Variants in KANK1 observed in about 807,000 individuals in gnomAD.
KANK1 encodes KN motif and ankyrin repeat domains 1.
A neutral mutation model predicts 106.2 loss-of-function variants in KANK1; 109 were observed. The ratio of observed to expected loss-of-function variants is 1.03; its 90% CI spans 0.88 to 1.20. The LOEUF is 1.20. Ranked by LOEUF, KANK1 falls within the 50% of genes most tolerant of loss-of-function variation. The pLI is 0.00. For missense variants in KANK1, 2,399 were observed against 1,710.7 expected, an observed-to-expected ratio of 1.40 and a Z score of -7.10; for synonymous variants, 873 against 652.2, an observed-to-expected ratio of 1.34 and a Z score of -5.16.
chr9:710,667 G>A (rs1825778212), intron 2 of KANK1, 137 bp from the exon 3 acceptor site: 2 of 420,844 alleles, frequency 4.8e-6, no homozygotes, highest in Admixed American at 3.8e-5. Context: ...CCCAGCTGTT[G>A]TAGATCCAGG....
intron 1 of KANK1, among the ~76,000 whole-genome samples, chr9:668,580 G>A (rs529301368): frequency 3.9e-5 from 6 of 152,034 alleles, no homozygotes; most frequent in African/African-American, 1.2e-4. Flanking sequence ...TTATGGTTAA[G>A]TGACTTTCTC....
chr9:524,251 C>T (rs2059680633), intron 1 of KANK1, among the ~76,000 whole-genome samples: 1 of 151,606 alleles, frequency 6.6e-6, no homozygotes, highest in Non-Finnish European at 1.5e-5. Context: ...CCTTCCCTTC[C>T]TTTCCCTTTT....
intron 1 of KANK1, among the ~76,000 whole-genome samples, chr9:563,876 A>G (rs916224575): frequency 6.6e-6 from 1 of 152,138 alleles, no homozygotes; most frequent in South Asian, 2.1e-4. Context: ...CAGGGCACAC[A>G]TAGGTTCTAC....
chr9:735,230 A>C (rs1833450450), intron 7 of KANK1, among the ~76,000 whole-genome samples: 2 of 152,218 alleles, frequency 1.3e-5, no homozygotes, highest in African/African-American at 2.4e-5. Flanking sequence ...TTTTAAAAGA[A>C]ACCTATCTGA....
chr9:541,455 G>A (rs374697691), intron 1 of KANK1, among the ~76,000 whole-genome samples: 2 of 152,128 alleles, frequency 1.3e-5, no homozygotes, highest in Non-Finnish European at 2.9e-5. Flanking sequence ...CATGGCTCAG[G>A]GGTAGAGGAT....
At chr9:608,036 T>TATTATTA (rs907643816) in intron 1 of KANK1, among the ~76,000 whole-genome samples, 7 of 134,758 alleles carry the variant, frequency 5.2e-5, no homozygotes, top group Non-Finnish European at 7.9e-5. Flanking sequence ...TTATTATTAT[T>TATTATTA]TTTTTTTTTT....
At chr9:558,325 T>C (rs1018796937) in intron 1 of KANK1, among the ~76,000 whole-genome samples, 2 of 152,248 alleles carry the variant, frequency 1.3e-5, no homozygotes, top group African/African-American at 4.8e-5. Context: ...AGTTATGTTC[T>C]ATAAAGTCGC....
upstream of KANK1, among the ~76,000 whole-genome samples, chr9:503,660 G>A (rs2058610143): frequency 6.6e-6 from 1 of 152,196 alleles, no homozygotes; most frequent in Non-Finnish European, 1.5e-5. Flanking sequence ...AAGAAAATCA[G>A]TTGACTGCAG....
At chr9:566,338 T>C (rs1817801779) in intron 1 of KANK1, among the ~76,000 whole-genome samples, 1 of 152,238 alleles carries the variant, frequency 6.6e-6, no homozygotes, top group African/African-American at 2.4e-5. Flanking sequence ...TGCATCTTTA[T>C]GATAGAATGA....
intron 3 of KANK1, among the ~76,000 whole-genome samples, chr9:728,290 C>T (rs1053246853): frequency 2.0e-5 from 3 of 152,148 alleles, no homozygotes; most frequent in Non-Finnish European, 2.9e-5. Flanking sequence ...CCTCCACCTC[C>T]GGGTTCGAGC....
intron 1 of KANK1, among the ~76,000 whole-genome samples, chr9:663,111 A>G (rs945401587): frequency 1.8e-4 from 28 of 152,238 alleles, no homozygotes; most frequent in Non-Finnish European, 7.3e-5. Context: ...AGAGAAGGTC[A>G]TACAAGAATC....
At chr9:513,071 C>T (rs757000785) in intron 1 of KANK1, among the ~76,000 whole-genome samples, 9 of 152,164 alleles carry the variant, frequency 5.9e-5, no homozygotes, top group Non-Finnish European at 1.2e-4. Context: ...CAATGAGGCT[C>T]TTGTTAAAAC....
At chr9:519,078 C>T (rs912461892) in intron 1 of KANK1, among the ~76,000 whole-genome samples, 1 of 151,414 alleles carries the variant, frequency 6.6e-6, no homozygotes, top group Non-Finnish European at 1.5e-5. Context: ...TTAATAGAAA[C>T]GGGGTTTCTC....
chr9:740,216 TTAAGGGGAC>T (rs1298960056), intron 8 of KANK1, among the ~76,000 whole-genome samples: 1 of 152,190 alleles, frequency 6.6e-6, no homozygotes, highest in African/African-American at 2.4e-5. Flanking sequence ...ATCGATTCTG[TTAAGGGGAC>T]TTAACTGCAT....
At chr9:479,740 C>T (rs73639546) in intron 3 of KANK1, among the ~76,000 whole-genome samples, 3,663 of 152,272 alleles carry the variant, frequency 0.024, 133 homozygotes, top group African/African-American at 0.083. Context: ...TTTCCCACAC[C>T]AGGGCAGCTT....
chr9:546,810 G>C (rs1225232830), intron 1 of KANK1, among the ~76,000 whole-genome samples: 1 of 152,058 alleles, frequency 6.6e-6, no homozygotes, highest in African/African-American at 2.4e-5. Context: ...CTAATCTAAA[G>C]TAGCCCATAC....
chr9:700,248 G>A lies in KANK1; in HGVS notation c.38-10556G>A, dbSNP rs1480828887. On this transcript the variant is annotated intron_variant, in intron 2 of 11. Transcript: ENST00000382297. Reference sequence around the variant, plus strand: ...TCTGTTATACATTTCCTTTAAACCAGAAGGAGGAACACTCATATTGCTACC... The same window carrying A: ...TCTGTTATACATTTCCTTTAAACCAAAAGGAGGAACACTCATATTGCTACC... 2.6e-5 allele frequency among the ~76,000 whole-genome samples: 4 copies of A among 152,286 alleles called. No individual in the cohort carries two copies. The East Asian group carries it at 5.8e-4, about 22-fold the overall frequency.
chr9:708,991 A>G (rs970173178), intron 2 of KANK1, among the ~76,000 whole-genome samples: 6 of 152,186 alleles, frequency 3.9e-5, no homozygotes, highest in Non-Finnish European at 7.4e-5. Context: ...CCTCTTTTAA[A>G]TGTCTGGTTT....
intron 1 of KANK1, among the ~76,000 whole-genome samples, chr9:519,760 C>A (rs755287409): frequency 6.6e-6 from 1 of 151,696 alleles, no homozygotes; most frequent in Non-Finnish European, 1.5e-5. Context: ...AGCTGTTGAG[C>A]CTTGTCGTCT....
Sources: gnomAD v4.1 joint callset for allele counts (sites outside exome capture counted in the v4.1 genomes callset) on GRCh38, gnomAD v4.1.1 for gene constraint, MANE v1.5 for transcripts, NCBI Gene and HGNC (gene_info 2026-07-23, HGNC 2026-07-21) for gene names.